C8orf74: variants seen among roughly 807,000 people sequenced by gnomAD.
C8orf74 encodes the protein chromosome 8 open reading frame 74.
In C8orf74, 29 loss-of-function variants were observed where a neutral mutation model predicts 22.2. The observed-to-expected ratio is 1.31, with a 90% confidence interval of 0.97 to 1.78. The LOEUF is 1.78. Ranked by LOEUF, C8orf74 falls within the 40% of genes most tolerant of loss-of-function variation. The probability of loss-of-function intolerance (pLI) is 0.00; values close to 1 mark genes in which losing one functional copy is unlikely to be tolerated. For missense variants in C8orf74, 515 were observed against 369.9 expected, an observed-to-expected ratio of 1.39 and a Z score of -3.22; for synonymous variants, 255 against 163.1, an observed-to-expected ratio of 1.56 and a Z score of -4.30.
chr8:10,674,059 C>A (rs1798972586), intron 1 of C8orf74, among the ~76,000 whole-genome samples: 1 of 139,890 alleles, frequency 7.1e-6, no homozygotes, highest in Non-Finnish European at 1.5e-5. Context: ...TACCCCGCAA[C>A]CCCCATATCA....
rs978720856 is a variant in C8orf74, at chr8:10,698,376, G to A, written c.648+371G>A. ...GGAAAAAGACTCCAGCTTTGGAACT[G>A]CTGCAGATTATCCAGAGCCGGCATG... On this transcript the variant is annotated intron_variant, in intron 3 of 3. Coordinates refer to ENST00000304519, the MANE Select transcript of C8orf74 (RefSeq NM_001040032.2). 1.1e-4 allele frequency among the ~76,000 whole-genome samples: 16 copies of A among 152,110 alleles called. 1 individual carries two copies. The highest frequency in any genetic ancestry group is 9.2e-4 in the Admixed American group (14 of 15,280).
chr8:10,674,713 C>T lies in C8orf74; in HGVS notation c.116C>T (p.Ser39Phe), dbSNP rs574042618. 219 of 1,608,814 alleles carry T rather than the reference C, an allele frequency of 1.4e-4. 1 individual carries two copies. The South Asian group carries it at 2.3e-3, about 17-fold the overall frequency. The change falls in exon 2 of 4, where the codon TCC becomes TTC. Residue 39 changes from serine to phenylalanine, a missense_variant. Transcript: ENST00000304519. ...NWEEFDEQRD[S>F]RRSILLDTLY... ...GAGGAGTTTGACGAACAGAGAGACT[C>T]CCGGAGGAGCATCCTGCTGGACACC...
intron 2 of C8orf74, chr8:10,687,389 C>T: frequency 3.9e-6 from 1 of 259,512 alleles, no homozygotes; most frequent in South Asian, 3.8e-5. Flanking sequence ...ATGGCTAACA[C>T]ATGTAATCCC....
intron 2 of C8orf74, among the ~76,000 whole-genome samples, chr8:10,685,146 C>G (rs1203102440): frequency 2.6e-5 from 4 of 152,158 alleles, no homozygotes; most frequent in Non-Finnish European, 5.9e-5. Flanking sequence ...GTTACTAAAA[C>G]CAAGGAAACT....
intron 2 of C8orf74, among the ~76,000 whole-genome samples, chr8:10,683,557 G>A (rs1481096879): frequency 6.6e-6 from 1 of 152,188 alleles, no homozygotes; most frequent in Admixed American, 6.5e-5. Flanking sequence ...GGGGGATGAT[G>A]ACCATGAGGA....
chr8:10,685,793 G>A (rs1290429937), intron 2 of C8orf74, among the ~76,000 whole-genome samples: 1 of 152,188 alleles, frequency 6.6e-6, no homozygotes, highest in Non-Finnish European at 1.5e-5. Context: ...TAATCGGCCG[G>A]GTAAAGTGGC....
At chr8:10,679,272 G>A (rs534810889) in intron 2 of C8orf74, among the ~76,000 whole-genome samples, 13 of 152,204 alleles carry the variant, frequency 8.5e-5, no homozygotes, top group South Asian at 4.1e-4. Flanking sequence ...TGTTACACCC[G>A]CTTGCAGGGG....
At chr8:10,684,381 C>G (rs1244381710) in intron 2 of C8orf74, among the ~76,000 whole-genome samples, 1 of 152,134 alleles carries the variant, frequency 6.6e-6, no homozygotes, top group East Asian at 1.9e-4. Context: ...CTAAGCAGAC[C>G]AGGTAGGGGG....
At chr8:10,693,407 T>G (rs1799425537) in intron 2 of C8orf74, among the ~76,000 whole-genome samples, 1 of 152,076 alleles carries the variant, frequency 6.6e-6, no homozygotes, top group South Asian at 2.1e-4. Flanking sequence ...TATCTGTGTG[T>G]TTCCTCCCCA....
chr8:10,678,916 C>A (rs2129056473), intron 2 of C8orf74, among the ~76,000 whole-genome samples: 1 of 152,336 alleles, frequency 6.6e-6, no homozygotes, highest in South Asian at 2.1e-4. Flanking sequence ...GTTCTTACTG[C>A]CTTGCACAGG....
Position 10,674,856 on chromosome 8 carries a change from C to T in C8orf74, c.241+18C>T. ...AACCAAAGGTATGGTGTGTCCAGGG[C>T]AGGAGTCAGCAGAGGCTGGCGGGAT... On this transcript the variant is annotated intron_variant, in intron 2 of 3. Transcript: ENST00000304519. 1 of 1,568,016 alleles carries T rather than the reference C, an allele frequency of 6.4e-7. No homozygotes were observed. Among genetic ancestry groups the T allele is most frequent in the East Asian group, 2.3e-5 (1 of 42,812 alleles).
chr8:10,684,374 A>C (rs763270718), intron 2 of C8orf74, among the ~76,000 whole-genome samples: 1 of 152,216 alleles, frequency 6.6e-6, no homozygotes, highest in Non-Finnish European at 1.5e-5. Context: ...AAGTCTCCTA[A>C]GCAGACCAGG....
At chr8:10,675,664 AC>A (rs1267284538) in intron 2 of C8orf74, 8 of 152,350 alleles carry the variant, frequency 5.3e-5, no homozygotes, top group African/African-American at 1.9e-4. Flanking sequence ...AAAAGGCCAC[AC>A]ACAGAATCCC....
Position 10,679,693 on chromosome 8 carries a change from G to C in C8orf74, c.241+4855G>C, listed in dbSNP as rs1799107385. Among the ~76,000 whole-genome samples, 5 of 152,188 alleles carry C rather than the reference G, an allele frequency of 3.3e-5. No homozygotes were observed. The South Asian group carries it at 1.0e-3, about 31-fold the overall frequency. On this transcript the variant is annotated intron_variant, in intron 2 of 3. Transcript: ENST00000304519. ...TCTCTCCAGGCCACAGCCACGGCCTGGCTGCCTCCCACCTGCGTTTCTGCA... is the reference window on the plus strand; with the variant it reads ...TCTCTCCAGGCCACAGCCACGGCCTCGCTGCCTCCCACCTGCGTTTCTGCA...
At chr8:10,686,589 G>C (rs192032013) in intron 2 of C8orf74, 174 of 153,696 alleles carry the variant, frequency 1.1e-3, no homozygotes, top group Middle Eastern at 3.4e-3. Context: ...ACACCACCTT[G>C]AACATGCCTA....
At chr8:10,672,771 G>A (rs1586025389) in intron 1 of C8orf74, 58 bp downstream of exon 1, 5 of 1,484,942 alleles carry the variant, frequency 3.4e-6, no homozygotes, top group Non-Finnish European at 4.6e-6. Context: ...GGGCACATAG[G>A]GAGGTGGGCA....
intron 2 of C8orf74, among the ~76,000 whole-genome samples, chr8:10,690,416 G>C (rs1239710676): frequency 2.6e-5 from 4 of 152,176 alleles, no homozygotes; most frequent in Non-Finnish European, 5.9e-5. Flanking sequence ...AGGGGGCAAT[G>C]CGGCGTGCGG....
intron 2 of C8orf74, among the ~76,000 whole-genome samples, chr8:10,683,127 G>A (rs1799187240): frequency 6.6e-6 from 1 of 152,234 alleles, no homozygotes; most frequent in Non-Finnish European, 1.5e-5. Flanking sequence ...CATGGCGAGT[G>A]GGCCAGGGCT....
intron 2 of C8orf74, among the ~76,000 whole-genome samples, chr8:10,697,054 A>G (rs1201799777): frequency 2.0e-5 from 3 of 152,148 alleles, no homozygotes; most frequent in Non-Finnish European, 4.4e-5. Flanking sequence ...GTAATCATAT[A>G]AGAAATAAAT....
Sources: allele counts gnomAD v4.1 joint callset (sites outside exome capture counted in the v4.1 genomes callset), GRCh38; gene constraint gnomAD v4.1.1; transcripts MANE v1.5; gene names NCBI Gene and HGNC (gene_info 2026-07-23, HGNC 2026-07-21).